Variants in HIVEP2 observed in about 807,000 individuals in gnomAD.
HIVEP2 encodes transcription factor HIVEP2.
Under a neutral mutation model 180.7 loss-of-function variants are expected in HIVEP2, and 14 were observed. That is an observed-to-expected ratio of 0.08 (90% CI 0.05 to 0.12). HIVEP2 has a LOEUF of 0.12. HIVEP2 is among the 10% of genes least tolerant of loss of function. HIVEP2 has a pLI of 1.00. For missense variants in HIVEP2, 2,579 were observed against 3,008.5 expected (o/e 0.86, Z 3.34); for synonymous variants, 1,184 against 1,136.4 (o/e 1.04, Z -0.84).
At chr6:142,764,726 T>C (rs1562500408) in intron 7 of HIVEP2, 73 bp downstream of exon 7, 3 of 1,071,690 alleles carry the variant, frequency 2.8e-6, no homozygotes, top group Non-Finnish European at 2.8e-6. Flanking sequence ...TGAAGGTTAG[T>C]TATAAAATAG....
At chr6:142,876,413 G>A (rs1380645418) in intron 1 of HIVEP2, among the ~76,000 whole-genome samples, 3 of 151,984 alleles carry the variant, frequency 2.0e-5, no homozygotes, top group Admixed American at 2.0e-4. Flanking sequence ...AGGAAAGAGG[G>A]GTGCTAAAAG....
chr6:142,821,240 G>A (rs1237967812), intron 2 of HIVEP2, among the ~76,000 whole-genome samples: 1 of 151,648 alleles, frequency 6.6e-6, no homozygotes, highest in African/African-American at 2.4e-5. Context: ...AGCTCCAGCA[G>A]ACTGGGAAGA....
At chr6:142,831,307 C>T (rs909913271) in intron 2 of HIVEP2, among the ~76,000 whole-genome samples, 1 of 152,124 alleles carries the variant, frequency 6.6e-6, no homozygotes, top group Admixed American at 6.5e-5. Context: ...GTGATGTAAG[C>T]GTGGGAGGAC....
At chr6:142,755,816 G>A (rs573741527) in intron 9 of HIVEP2, among the ~76,000 whole-genome samples, 1 of 152,288 alleles carries the variant, frequency 6.6e-6, no homozygotes, top group South Asian at 2.1e-4. Context: ...ACGTGTACAA[G>A]TAGAATTTCT....
chr6:142,907,229 T>C (rs1388792664), intron 1 of HIVEP2, among the ~76,000 whole-genome samples: 1 of 152,204 alleles, frequency 6.6e-6, no homozygotes, highest in African/African-American at 2.4e-5. Context: ...ACTACATCCA[T>C]TATTTCTATG....
In HIVEP2 at chr6:142,759,778, C is replaced by T. The variant is rs79892063; in HGVS notation, c.6510G>A (p.Gly2170=). The T allele has an allele frequency of 3.6e-5, 57 of 1,600,104 alleles. No individual in the cohort carries two copies. Among genetic ancestry groups the T allele is most frequent in the Non-Finnish European group, 4.7e-5 (55 of 1,174,930 alleles). Residue 2170 remains glycine (G), a synonymous_variant, in exon 9 of 10, where the codon GGG becomes GGA. Transcript: ENST00000367603. ...AAAAGTGGATTATACTTACAGGAGG[C>T]CCCAATACAATTGGCTCTGCTTGCA... ...QYLQAEPIVL[G]PPNLRRGLPQ...
chr6:142,922,616 G>T (rs563806851), intron 1 of HIVEP2, among the ~76,000 whole-genome samples: 1 of 152,170 alleles, frequency 6.6e-6, no homozygotes, highest in East Asian at 1.9e-4. Flanking sequence ...GGAGGCTAAG[G>T]GGATAAACGT....
In HIVEP2 at chr6:142,907,136, T is replaced by A. The variant is rs570586527; in HGVS notation, c.-641+37963A>T. 2.6e-5 allele frequency among the ~76,000 whole-genome samples: 4 copies of A among 152,356 alleles called. No homozygotes were observed. The South Asian group carries it at 8.3e-4, about 32-fold the overall frequency. ...CGTAGCATATTCATACTCTTTAAGC[T>A]ATTAATCCATGCCCAAGTGCTTAAA... On this transcript the variant is annotated intron_variant, in intron 1 of 9. Coordinates refer to ENST00000367603, the MANE Select transcript of HIVEP2 (RefSeq NM_006734.4).
intron 1 of HIVEP2, among the ~76,000 whole-genome samples, chr6:142,851,833 TACTC>T (rs1450998256): frequency 6.6e-6 from 1 of 152,238 alleles, no homozygotes; most frequent in Admixed American, 6.5e-5. Flanking sequence ...CATTCCTGAT[TACTC>T]ACTATTTGAG....
rs751235448 is a variant in HIVEP2 at position 142,770,543 on chromosome 6, G to C, written c.4196C>G (p.Ala1399Gly). The change falls in exon 5 of 10, where the codon GCG (alanine) becomes GGG (glycine). Residue 1399 changes from alanine (A) to glycine (G), a missense_variant. Coordinates refer to ENST00000367603, the MANE Select transcript of HIVEP2 (RefSeq NM_006734.4). This position sits in a 1 kb window ranked among gnomAD's most constrained non-coding sequence, Gnocchi z 4.7. ...CCAAATGGGGTACTTCTCCAAGCCC[G>C]CATGCTGCCCCAGCACCTGGGCAAT... Reference protein sequence around the residue: ...FNIAQVLGQHAGLEKYPIWKA... With the variant: ...FNIAQVLGQHGGLEKYPIWKA... The C allele has an allele frequency of 1.2e-6, 2 of 1,614,162 alleles. No homozygotes were observed. The highest frequency in any genetic ancestry group is 1.7e-6 in the Non-Finnish European group (2 of 1,180,030).
At chr6:142,849,964 G>A (rs1183784738) in intron 1 of HIVEP2, among the ~76,000 whole-genome samples, 1 of 152,202 alleles carries the variant, frequency 6.6e-6, no homozygotes, top group Non-Finnish European at 1.5e-5. Flanking sequence ...ACAGAACCAA[G>A]TGGCGAAAAA....
At chr6:142,892,787 T>A (rs545820319) in intron 1 of HIVEP2, among the ~76,000 whole-genome samples, 1 of 152,306 alleles carries the variant, frequency 6.6e-6, no homozygotes, top group South Asian at 2.1e-4. Context: ...CTGTCCTTAG[T>A]GCAAGCCTCC....
In HIVEP2 at chr6:142,773,269, C is replaced by T. The variant is rs750997438; in HGVS notation, c.1470G>A (p.Thr490=). 6.8e-6 allele frequency: 11 copies of T among 1,614,060 alleles called. No individual in the cohort carries two copies. The African/African-American group carries it at 8.0e-5, about 12-fold the overall frequency. ...TGAACTTAGTGGATTTCAGCATGCT[C>T]GTTTGACTGGGGTCGACATCTCCCT... is the stretch of plus-strand genomic sequence containing the variant. ...PSKGDVDPSQ[T]SMLKSTKFNS... The change falls in exon 5 of 10, where the codon ACG becomes ACA. Residue 490 remains threonine (T), a synonymous_variant. Transcript: ENST00000367603.
chr6:142,928,618 C>A (rs145460719), intron 1 of HIVEP2, among the ~76,000 whole-genome samples: 1 of 152,254 alleles, frequency 6.6e-6, no homozygotes, highest in East Asian at 1.9e-4. Flanking sequence ...TCCTAAACAT[C>A]TGAATAATAC....
chr6:142,931,293 C>G (rs1455513122), intron 1 of HIVEP2, among the ~76,000 whole-genome samples: 1 of 151,602 alleles, frequency 6.6e-6, no homozygotes, highest in Non-Finnish European at 1.5e-5. Context: ...TAGTGCCTTA[C>G]AGTATGCTAT....
At chr6:142,841,937 A>G (rs955698673) in intron 1 of HIVEP2, among the ~76,000 whole-genome samples, 1 of 152,188 alleles carries the variant, frequency 6.6e-6, no homozygotes, top group Non-Finnish European at 1.5e-5. Flanking sequence ...CTTCCTTTAC[A>G]TGCCGGAAAA....
intron 1 of HIVEP2, among the ~76,000 whole-genome samples, chr6:142,846,218 G>C (rs1242874893): frequency 2.0e-5 from 3 of 152,032 alleles, no homozygotes; most frequent in Non-Finnish European, 2.9e-5. Flanking sequence ...GCACTGGGGA[G>C]GTCTTCTCAG....
At chr6:142,797,578 C>T (rs12525269) in intron 2 of HIVEP2, among the ~76,000 whole-genome samples, 7,478 of 152,204 alleles carry the variant, frequency 0.049, 260 homozygotes, top group Middle Eastern at 0.071. Context: ...AAAATACCCC[C>T]TTATTCCCAA....
intron 1 of HIVEP2, among the ~76,000 whole-genome samples, chr6:142,897,790 T>C (rs944529548): frequency 3.9e-5 from 6 of 152,156 alleles, no homozygotes; most frequent in African/African-American, 1.4e-4. Context: ...TTTCTGTATA[T>C]ATATTATATT....
Sources: allele counts gnomAD v4.1 joint callset (sites outside exome capture counted in the v4.1 genomes callset), GRCh38; gene constraint gnomAD v4.1.1; non-coding constraint Gnocchi (gnomAD v3.1); transcripts MANE v1.5; gene names NCBI Gene and HGNC (gene_info 2026-07-23, HGNC 2026-07-21).